The following PKD1L1 variants were observed in gnomAD, a reference collection of about 807,000 sequenced individuals.
The protein encoded by PKD1L1 is polycystin-1-like protein 1.
In PKD1L1, 236 loss-of-function variants were observed where a neutral mutation model predicts 323.4. The observed-to-expected ratio is 0.73, with a 90% CI of 0.66 to 0.81. PKD1L1 has a LOEUF of 0.81. Among genes scored for constraint, PKD1L1 ranks in the 40% least tolerant of loss-of-function variants. The probability of loss-of-function intolerance (pLI) is 0.00; values close to 1 mark genes in which losing one functional copy is unlikely to be tolerated. For missense variants in PKD1L1, 3,320 were observed against 3,508.0 expected (o/e 0.95, Z 1.35); for synonymous variants, 1,344 against 1,335.0 (o/e 1.01, Z -0.15).
chr7:47,774,899 A>T lies in PKD1L1; in HGVS notation c.*244T>A, dbSNP rs1351098170. ...AATTAACCATTTGGGAGAAGGCTGG[A>T]GTTAGAATCTTGTCCCACATCTGAA... is the stretch of plus-strand genomic sequence containing the variant. On this transcript the variant is annotated 3_prime_UTR_variant, in exon 57 of 57. Transcript: ENST00000289672. The T allele has an allele frequency of 2.3e-6, 1 of 439,696 alleles. No individual in the cohort carries two copies. The highest frequency in any genetic ancestry group is 4.2e-5 in the Admixed American group (1 of 23,914). The allele number at this position is 439,696 out of a possible 1,614,324, so 27.2% of individuals were successfully genotyped here.
intron 39 of PKD1L1, 55 bp downstream of exon 39, chr7:47,834,912 G>T: frequency 6.9e-7 from 1 of 1,446,438 alleles, no homozygotes; most frequent in Non-Finnish European, 9.6e-7. Context: ...TTAGTAGATT[G>T]GTGCAAAAGG....
intron 46 of PKD1L1, chr7:47,818,017 T>A (rs764055055): frequency 7.3e-7 from 1 of 1,361,542 alleles, no homozygotes; most frequent in Non-Finnish European, 9.8e-7. Context: ...TAGAACTTAA[T>A]CTTTGCAGGT....
rs188820670 is a variant in PKD1L1, at chr7:47,838,771, G to A, written c.5769+675C>T. 5.9e-5 allele frequency among the ~76,000 whole-genome samples: 9 copies of A among 151,636 alleles called. No homozygotes were observed. In the East Asian group the frequency reaches 1.7e-3, roughly 29 times the overall value. ...CGTGTGCCTGTAGTCCCAGCTACTC[G>A]GGAGGCTGAGGCAGGAGAATCACTT... On this transcript the variant is annotated intron_variant, in intron 36 of 56. Coordinates refer to ENST00000289672, the MANE Select transcript of PKD1L1 (RefSeq NM_138295.5).
intron 7 of PKD1L1, among the ~76,000 whole-genome samples, chr7:47,927,605 T>C (rs1347145437): frequency 3.9e-5 from 6 of 152,160 alleles, no homozygotes; most frequent in Admixed American, 3.3e-4. Context: ...TGAAACCCCA[T>C]ATTAGATGGA....
intron 4 of PKD1L1, among the ~76,000 whole-genome samples, chr7:47,933,763 C>A (rs1202555587): frequency 6.6e-6 from 1 of 152,148 alleles, no homozygotes; most frequent in Non-Finnish European, 1.5e-5. Context: ...AAGGCTGCAT[C>A]CAACCAGATA....
At chr7:47,866,860 C>T (rs973322948) in intron 24 of PKD1L1, among the ~76,000 whole-genome samples, 1 of 152,152 alleles carries the variant, frequency 6.6e-6, no homozygotes, top group African/African-American at 2.4e-5. Context: ...AAACCAGATA[C>T]TAATATAGAA....
chr7:47,806,828 T>C (rs993191875), intron 52 of PKD1L1, among the ~76,000 whole-genome samples: 2 of 152,232 alleles, frequency 1.3e-5, no homozygotes, highest in Non-Finnish European at 2.9e-5. Flanking sequence ...TGGAAGAGCG[T>C]GGGCTCTGGT....
Position 47,846,948 on chromosome 7 carries a change from T to C in PKD1L1, c.5084A>G (p.Asp1695Gly). Residue 1695 changes from aspartate to glycine, a missense_variant, in exon 32 of 57, where the codon GAC becomes GGC. Asp to Gly is a moderately conservative substitution (Grantham distance 94, BLOSUM62 -1). Coordinates refer to ENST00000289672, the MANE Select transcript of PKD1L1 (RefSeq NM_138295.5). ...ACGTTCAGATTTCCACTCTCTCTTG[T>C]CCCAAAACAGGCATCGGATCCACTG... ...HFQWIRCLFW[D>G]KREWKSERFS... 1.9e-6 allele frequency: 3 copies of C among 1,614,014 alleles called. No individual in the cohort carries two copies. The highest frequency in any genetic ancestry group is 2.5e-6 in the Non-Finnish European group (3 of 1,179,948).
At chr7:47,952,276 C>T (rs1042334401), upstream of PKD1L1, among the ~76,000 whole-genome samples, 1 of 152,160 alleles carries the variant, frequency 6.6e-6, no homozygotes, top group Non-Finnish European at 1.5e-5. Flanking sequence ...GCAGGCTGCA[C>T]CAAGGAGAGC....
At chr7:47,866,331 G>T in intron 25 of PKD1L1, 88 bp downstream of exon 25, 1 of 1,396,974 alleles carries the variant, frequency 7.2e-7, no homozygotes, top group African/African-American at 1.4e-5. Context: ...TCATAAGCAT[G>T]ACCACTTGCT....
intron 32 of PKD1L1, among the ~76,000 whole-genome samples, chr7:47,846,634 G>A (rs368963862): frequency 1.8e-4 from 27 of 152,240 alleles, no homozygotes; most frequent in African/African-American, 6.5e-4. Flanking sequence ...GTACGGGAAG[G>A]AGGAATACGA....
At chr7:47,930,747 G>A (rs1054697482) in intron 6 of PKD1L1, among the ~76,000 whole-genome samples, 5 of 147,508 alleles carry the variant, frequency 3.4e-5, no homozygotes, top group South Asian at 2.2e-4. Flanking sequence ...CCCGGGAGGC[G>A]GAGGTTGCAG....
At chr7:47,916,330 T>C (rs1787428333) in intron 7 of PKD1L1, among the ~76,000 whole-genome samples, 1 of 152,166 alleles carries the variant, frequency 6.6e-6, no homozygotes, top group South Asian at 2.1e-4. Flanking sequence ...CTTTCTAGAG[T>C]TGACCTATTC....
chr7:47,891,795 G>A (rs1163437334), intron 15 of PKD1L1, among the ~76,000 whole-genome samples: 1 of 152,198 alleles, frequency 6.6e-6, no homozygotes, highest in Non-Finnish European at 1.5e-5. Context: ...GCAGGTGCTA[G>A]GGCATGCGGA....
At chr7:47,887,212 C>A (rs778531038) in intron 17 of PKD1L1, among the ~76,000 whole-genome samples, 1 of 152,254 alleles carries the variant, frequency 6.6e-6, no homozygotes, top group Non-Finnish European at 1.5e-5. Flanking sequence ...GTACCCAAAG[C>A]TCTACTTGTG....
intron 52 of PKD1L1, among the ~76,000 whole-genome samples, chr7:47,805,729 CAGTTA>C (rs1261424928): frequency 7.2e-5 from 11 of 152,206 alleles, no homozygotes; most frequent in African/African-American, 2.7e-4. Flanking sequence ...CTTAGGAATG[CAGTTA>C]CCCAGGACCC....
At position 47,877,637 on chromosome 7, in the gene PKD1L1, G is replaced by C. The variant is rs1189293590; in HGVS notation, c.3521-6C>G. On this transcript the variant is annotated splice_region_variant and splice_polypyrimidine_tract_variant and intron_variant, in intron 21 of 56. Transcript: ENST00000289672. ...CAGTAAGCCATGCTTCGAAGCTAAA[G>C]AGAAAGATGAAGCAGCGGTTTCACC... The C allele has an allele frequency of 6.2e-7, 1 of 1,613,090 alleles. No homozygotes were observed. Among genetic ancestry groups the C allele is most frequent in the South Asian group, 1.1e-5 (1 of 90,942 alleles).
intron 25 of PKD1L1, among the ~76,000 whole-genome samples, chr7:47,865,824 T>A (rs1786157380): frequency 6.6e-6 from 1 of 151,620 alleles, no homozygotes; most frequent in African/African-American, 2.4e-5. Context: ...CACGATCTCC[T>A]GACCTCGTGA....
At chr7:47,953,851 A>G in the PKD1L1 span, among the ~76,000 whole-genome samples, 1 of 152,202 alleles carries the variant, frequency 6.6e-6, no homozygotes, top group Non-Finnish European at 1.5e-5. Context: ...TGAACAGAGA[A>G]AAGACAAAAA....
Sources: gnomAD v4.1 joint callset for allele counts (sites outside exome capture counted in the v4.1 genomes callset) on GRCh38, gnomAD v4.1.1 for gene constraint, MANE v1.5 for transcripts, NCBI Gene and HGNC (gene_info 2026-07-23, HGNC 2026-07-21) for gene names.